The following FAM199X variants were observed in gnomAD, a reference collection of about 807,000 sequenced individuals.
The protein encoded by FAM199X is protein FAM199X.
A neutral mutation model predicts 22.9 loss-of-function variants in FAM199X; 4 were observed. That is an observed-to-expected ratio of 0.17 (90% CI 0.09 to 0.40). The LOEUF (loss-of-function observed/expected upper bound fraction) is 0.40. Among genes scored for constraint, FAM199X ranks in the 10% least tolerant of loss-of-function variants. The probability of loss-of-function intolerance (pLI) is 1.00; values close to 1 mark genes in which losing one functional copy is unlikely to be tolerated. For synonymous variants in FAM199X, 101 were observed against 112.3 expected, an observed-to-expected ratio of 0.90 and a Z score of 0.64; for missense variants, 183 against 306.8, an observed-to-expected ratio of 0.60 and a Z score of 3.01.
chrX:104,191,322 G>C lies in FAM199X; in HGVS notation c.*1544G>C. 1 of 111,811 alleles carries C rather than the reference G, an allele frequency of 8.9e-6. No homozygotes were observed. Among genetic ancestry groups the C allele is most frequent in the Non-Finnish European group, 1.9e-5 (1 of 53,057 alleles). The allele number at this position is 111,811 out of a possible 1,213,427, so 9.2% of individuals were successfully genotyped here. A position where few individuals can be genotyped will look rare whatever the true frequency, so the allele number is the denominator to read the frequency against. On this transcript the variant is annotated 3_prime_UTR_variant, in exon 6 of 6. Coordinates refer to ENST00000493442, the MANE Select transcript of FAM199X (RefSeq NM_207318.4). ...CTTGAAGGTTAAAGAATGGAAACTGGGGATAAAAATTAATACACTGCAGCT... is the reference window on the plus strand; with the variant it reads ...CTTGAAGGTTAAAGAATGGAAACTGCGGATAAAAATTAATACACTGCAGCT...
chrX:104,163,688 C>CT (rs1180760241), upstream of FAM199X, among the ~76,000 whole-genome samples: 1,744 of 94,213 alleles, frequency 0.019, 60 homozygotes, highest in African/African-American at 0.055. Flanking sequence ...GGAGGGACCT[C>CT]TTTTTTTTTT....
upstream of FAM199X, among the ~76,000 whole-genome samples, chrX:104,162,130 T>G (rs782008786): frequency 8.9e-6 from 1 of 112,085 alleles, no homozygotes; most frequent in East Asian, 2.8e-4. Flanking sequence ...AAATGAAGGA[T>G]ACAAACTTGC....
chrX:104,163,788 C>T (rs1921093242), upstream of FAM199X, among the ~76,000 whole-genome samples: 1 of 106,743 alleles, frequency 9.4e-6, no homozygotes, highest in South Asian at 4.3e-4. Context: ...CTGTCTCAGC[C>T]TCCAAAGTAG....
chrX:104,182,617 A>C (rs782625794), intron 2 of FAM199X, among the ~76,000 whole-genome samples: 3 of 111,357 alleles, frequency 2.7e-5, no homozygotes, highest in Non-Finnish European at 5.7e-5. Context: ...ATGTCACCTC[A>C]TACTATGTTT....
chrX:104,171,444 G>A (rs1556375374), intron 1 of FAM199X, among the ~76,000 whole-genome samples: 1 of 111,627 alleles, frequency 9.0e-6, no homozygotes, highest in Non-Finnish European at 1.9e-5. Flanking sequence ...TAATGTAAGG[G>A]CTTGTAAATT....
intron 5 of FAM199X, 116 bp from the exon 6 acceptor site, chrX:104,189,492 A>G: frequency 1.4e-6 from 1 of 727,066 alleles, no homozygotes; most frequent in Non-Finnish European, 2.1e-6. Context: ...ATCATACTAC[A>G]GAAGGATTTG....
intron 1 of FAM199X, among the ~76,000 whole-genome samples, chrX:104,168,560 A>G (rs1921272850): frequency 8.9e-6 from 1 of 112,428 alleles, no homozygotes; most frequent in African/African-American, 3.2e-5. Context: ...GCCTTGGAGC[A>G]AGTCACATAC....
intron 2 of FAM199X, among the ~76,000 whole-genome samples, chrX:104,178,696 G>A (rs1556377067): frequency 8.9e-6 from 1 of 111,962 alleles, no homozygotes; most frequent in South Asian, 3.7e-4. Context: ...ATTAATCATA[G>A]ATGTGTGGGT....
intron 4 of FAM199X, among the ~76,000 whole-genome samples, chrX:104,187,756 C>A (rs1273696916): frequency 9.0e-6 from 1 of 111,694 alleles, no homozygotes; most frequent in Non-Finnish European, 1.9e-5. Flanking sequence ...ATTTTGAATG[C>A]CATTTTTTTA....
chrX:104,186,028 T>G (rs1556379007), intron 2 of FAM199X, 38 bp from the exon 3 acceptor site: 2 of 1,169,694 alleles, frequency 1.7e-6, no homozygotes, highest in Non-Finnish European at 2.3e-6. Context: ...TGAACAAATT[T>G]TGCTTTCCTT....
chrX:104,168,527 A>T (rs970178360), intron 1 of FAM199X, among the ~76,000 whole-genome samples: 1 of 112,281 alleles, frequency 8.9e-6, no homozygotes, highest in Non-Finnish European at 1.9e-5. Flanking sequence ...ACCTTTGTAC[A>T]TATTTGGCAT....
Position 104,188,139 on chromosome X carries a change from G to A in FAM199X, c.829G>A (p.Gly277Ser), listed in dbSNP as rs1569468223. ...TTGTGCAAGCACCAGTGGAGTGAGC[G>A]GTGCCAGTGCCAGCGCCAGCAGCAG... ...FSCASTSGVS[G>S]ASASASSSSA... Residue 277 changes from glycine to serine, a missense_variant, in exon 5 of 6, where the codon GGT (glycine) becomes AGT (serine). Coordinates refer to ENST00000493442, the MANE Select transcript of FAM199X (RefSeq NM_207318.4). The A allele has an allele frequency of 3.3e-6, 4 of 1,211,670 alleles. No individual in the cohort carries two copies. The highest frequency in any genetic ancestry group is 1.7e-5 in the African/African-American group (1 of 57,720).
At chrX:104,181,793 A>T (rs1224727629) in intron 2 of FAM199X, among the ~76,000 whole-genome samples, 1 of 110,473 alleles carries the variant, frequency 9.1e-6, no homozygotes, top group African/African-American at 3.3e-5. Flanking sequence ...TAAAATGAGG[A>T]TGTTGGACTA....
intron 1 of FAM199X, among the ~76,000 whole-genome samples, chrX:104,171,856 T>G (rs1921361027): frequency 8.9e-6 from 1 of 112,326 alleles, no homozygotes; most frequent in Non-Finnish European, 1.9e-5. Context: ...TAGTATTGTT[T>G]GGACATATTT....
intron 4 of FAM199X, among the ~76,000 whole-genome samples, chrX:104,187,787 C>T (rs1357613748): frequency 1.8e-5 from 2 of 111,703 alleles, no homozygotes; most frequent in African/African-American, 6.5e-5. Flanking sequence ...TTTCTGAAGG[C>T]GAGTAGCCTT....
rs781831959 is a variant in FAM199X at position 104,194,180 on chromosome X, G to A, written c.*4402G>A. The A allele has an allele frequency of 2.7e-5, 3 of 111,124 alleles. No individual in the cohort carries two copies. The highest frequency in any genetic ancestry group is 3.8e-5 in the Non-Finnish European group (2 of 52,836). 9.2% of individuals were successfully genotyped at this position (111,124 alleles called of 1,213,427 possible). A position where few individuals can be genotyped will look rare whatever the true frequency, so the allele number is the denominator to read the frequency against. The stretch of plus-strand genomic sequence containing the variant: ...TAAATTTTAATTTGACACTCATACC[G>A]AACTCAGAAAAGCTTGTTTGATCTT... On this transcript the variant is annotated 3_prime_UTR_variant, in exon 6 of 6. Transcript: ENST00000493442.
chrX:104,177,262 A>G (rs1921514154), intron 2 of FAM199X, among the ~76,000 whole-genome samples: 1 of 111,828 alleles, frequency 8.9e-6, no homozygotes, highest in Admixed American at 9.5e-5. Flanking sequence ...AATGTTTTCA[A>G]GGTTCATCCA....
intron 2 of FAM199X, among the ~76,000 whole-genome samples, chrX:104,176,541 A>T (rs782225573): frequency 8.9e-6 from 1 of 112,630 alleles, no homozygotes; most frequent in South Asian, 3.6e-4. Context: ...TTTGAAAGCC[A>T]TCTGAATACT....
rs201788673 is a variant in FAM199X, at chrX:104,190,214, CAT to C, written c.*437_*438del. ...GTAGTTTATTATGTCAGTATACATA[CAT>C]GTGTAGAGATCATAATTTAGTTCCC... On this transcript the variant is annotated 3_prime_UTR_variant, in exon 6 of 6. Transcript: ENST00000493442. The C allele has an allele frequency of 0.024, 2,733 of 115,230 alleles. 37 individuals carry two copies. The highest frequency in any genetic ancestry group is 0.038 in the Non-Finnish European group (2,085 of 55,295). 9.5% of individuals were successfully genotyped at this position (115,230 alleles called of 1,213,427 possible).
Sources: allele counts gnomAD v4.1 joint callset (sites outside exome capture counted in the v4.1 genomes callset), GRCh38; gene constraint gnomAD v4.1.1; transcripts MANE v1.5; gene names NCBI Gene and HGNC (gene_info 2026-07-23, HGNC 2026-07-21).